Variants in SLC35F3 observed in about 807,000 individuals in gnomAD.
The protein encoded by SLC35F3 is putative thiamine transporter SLC35F3.
SLC35F3 carries 25 observed loss-of-function variants against 49.9 expected under a neutral mutation model. The observed-to-expected ratio is 0.50, with a 90% CI of 0.37 to 0.70. The LOEUF is 0.70. SLC35F3 is among the 30% of genes least tolerant of loss of function. The pLI is 0.00. For missense variants in SLC35F3, 525 were observed against 639.8 expected (o/e 0.82, Z 1.94); for synonymous variants, 275 against 265.4 (o/e 1.04, Z -0.35).
rs971024843 is a variant in SLC35F3 at position 234,046,612 on chromosome 1, T to C, written c.283+140854T>C. Reference sequence around the variant, plus strand: ...GCAAGTTAATATTTATGAATGATTTTACTCATGGTTTATACTTTTTCATAT... The same window carrying C: ...GCAAGTTAATATTTATGAATGATTTCACTCATGGTTTATACTTTTTCATAT... On this transcript the variant is annotated intron_variant, in intron 2 of 7. Transcript: ENST00000366618. The surrounding 1 kb of genome is among the most constrained non-coding windows in gnomAD (Gnocchi z 4.4). Among the ~76,000 whole-genome samples the C allele has an allele frequency of 2.6e-5, 4 of 152,198 alleles. No homozygotes were observed. Among genetic ancestry groups the C allele is most frequent in the African/African-American group, 9.6e-5 (4 of 41,464 alleles).
chr1:233,951,168 C>G (rs1340960320), intron 2 of SLC35F3, among the ~76,000 whole-genome samples: 3 of 151,114 alleles, frequency 2.0e-5, no homozygotes, highest in Admixed American at 2.0e-4. Flanking sequence ...GAGTCATGCA[C>G]CATGTAACAA....
rs1359114359 is a variant in SLC35F3 at position 234,231,428 on chromosome 1, C to T, written c.295C>T (p.Pro99Ser). ...CTTCTCTTCCCCAGGGGAGGAGCGC[C>T]CCCGGGACTCCCCGGGCCCGGCGGA... ...WAASCKREER[P>S]RDSPGPAEAQ... Residue 99 changes from proline (P) to serine (S), a missense_variant, in exon 3 of 8, where the codon CCC becomes TCC. Physicochemically the swap from Pro to Ser is moderately conservative, Grantham distance 74. Around this residue, in one of 4 missense-constraint regions of SLC35F3, gnomAD observed 228 missense variants for 218.9 expected, o/e 1.04. Coordinates refer to ENST00000366618, the MANE Select transcript of SLC35F3 (RefSeq NM_173508.4). The surrounding 1 kb of genome is among the most constrained non-coding windows in gnomAD (Gnocchi z 5.4). The T allele has an allele frequency of 1.3e-6, 2 of 1,572,304 alleles. No individual in the cohort carries two copies. Among genetic ancestry groups the T allele is most frequent in the Non-Finnish European group, 1.7e-6 (2 of 1,161,236 alleles).
Position 234,231,592 on chromosome 1 carries a change from G to T in SLC35F3, c.459G>T (p.Thr153=), listed in dbSNP as rs1667377119. ...LCVCSSWAGS[T]QLAKLTFRKF... ...TGTGCTCCTCGTGGGCGGGCTCCAC[G>T]CAGCTCGCCAAGCTGACCTTCAGGA... is the stretch of plus-strand genomic sequence containing the variant. Residue 153 remains threonine (T), a synonymous_variant, in exon 3 of 8, where the codon ACG becomes ACT. Transcript: ENST00000366618. The surrounding 1 kb of genome is among the most constrained non-coding windows in gnomAD (Gnocchi z 5.4). The T allele has an allele frequency of 6.2e-7, 1 of 1,614,092 alleles. No homozygotes were observed.
At chr1:233,911,795 C>T (rs1661878867) in intron 2 of SLC35F3, among the ~76,000 whole-genome samples, 1 of 152,182 alleles carries the variant, frequency 6.6e-6, no homozygotes, top group Non-Finnish European at 1.5e-5. Context: ...CTGAAGTACG[C>T]ATATGGTGGT....
chr1:234,107,662 C>T (rs926129325), intron 2 of SLC35F3, among the ~76,000 whole-genome samples: 4 of 141,514 alleles, frequency 2.8e-5, no homozygotes, highest in Non-Finnish European at 6.2e-5. Flanking sequence ...TACCCAGCTC[C>T]TGGCATTTCT....
At chr1:234,292,653 C>T (rs1032042001) in intron 3 of SLC35F3, among the ~76,000 whole-genome samples, 7 of 152,116 alleles carry the variant, frequency 4.6e-5, no homozygotes, top group Non-Finnish European at 7.3e-5. Flanking sequence ...GGGAAAGGGC[C>T]CTGGGGCTCA....
At chr1:234,238,203 T>C (rs1456684577) in intron 3 of SLC35F3, among the ~76,000 whole-genome samples, 2 of 152,228 alleles carry the variant, frequency 1.3e-5, no homozygotes, top group Non-Finnish European at 2.9e-5. Context: ...CAATTATGCA[T>C]ACACATCCTC....
intron 2 of SLC35F3, among the ~76,000 whole-genome samples, chr1:234,114,740 A>T (rs772210295): frequency 2.6e-5 from 4 of 152,220 alleles, no homozygotes; most frequent in African/African-American, 7.2e-5. Flanking sequence ...CATTTGGGGA[A>T]GAGTTGGAAA....
intron 3 of SLC35F3, among the ~76,000 whole-genome samples, chr1:234,232,813 C>A (rs139447329): frequency 6.6e-6 from 1 of 152,126 alleles, no homozygotes; most frequent in African/African-American, 2.4e-5. Context: ...GGAGGTCTAC[C>A]CCTGGACCAG....
chr1:234,214,448 C>G lies in SLC35F3; in HGVS notation c.284-16969C>G. ...CCGGGAGAGACGCGCTCCAGCCGGC[C>G]CCAGGATGTAGGCGATCGGCGGCAG... On this transcript the variant is annotated intron_variant, in intron 2 of 7. Coordinates refer to ENST00000366618, the MANE Select transcript of SLC35F3 (RefSeq NM_173508.4). The surrounding 1 kb of genome is among the most constrained non-coding windows in gnomAD (Gnocchi z 8.0). 2.0e-6 allele frequency: 3 copies of G among 1,501,996 alleles called. No homozygotes were observed. Among genetic ancestry groups the G allele is most frequent in the Non-Finnish European group, 2.7e-6 (3 of 1,124,634 alleles). 93.0% of individuals were successfully genotyped at this position (1,501,996 alleles called of 1,614,324 possible). A position where few individuals can be genotyped will look rare whatever the true frequency, so the allele number is the denominator to read the frequency against.
intron 2 of SLC35F3, among the ~76,000 whole-genome samples, chr1:233,973,537 TGAG>T (rs971358964): frequency 4.2e-4 from 64 of 152,240 alleles, no homozygotes; most frequent in African/African-American, 1.5e-3. Context: ...TGGGAGGAAT[TGAG>T]GATGCAGAGT....
chr1:233,946,996 A>T (rs902009683), intron 2 of SLC35F3, among the ~76,000 whole-genome samples: 8 of 152,216 alleles, frequency 5.3e-5, no homozygotes, highest in African/African-American at 1.9e-4. Flanking sequence ...ATTGATAGAT[A>T]AGCAAGTAAA....
At chr1:234,135,715 GC>G (rs1251308927) in intron 2 of SLC35F3, among the ~76,000 whole-genome samples, 2 of 152,256 alleles carry the variant, frequency 1.3e-5, no homozygotes, top group Non-Finnish European at 2.9e-5. Flanking sequence ...CTTTACTGAA[GC>G]TGGTCACATA....
At chr1:234,248,928 G>A (rs687561) in intron 3 of SLC35F3, among the ~76,000 whole-genome samples, 121,707 of 152,194 alleles carry the variant, frequency 0.8, 49,013 homozygotes, top group African/African-American at 0.89. Flanking sequence ...CTTCAGATAC[G>A]TGTGAGGGAT....
Position 233,909,672 on chromosome 1 carries a change from T to TGTATAA in SLC35F3, c.283+3919_283+3924dup, listed in dbSNP as rs1374579179. Among the ~76,000 whole-genome samples the TGTATAA allele has an allele frequency of 2.6e-5, 4 of 152,326 alleles. No individual in the cohort carries two copies. In the East Asian group the frequency reaches 7.7e-4, roughly 29 times the overall value. The stretch of plus-strand genomic sequence containing the variant: ...TCTCAGCACTATTAACCCTTTGTGC[T>TGTATAA]GTATAAGTATTTGTTGTAGGGAGCT... On this transcript the variant is annotated intron_variant, in intron 2 of 7. Transcript: ENST00000366618.
At chr1:234,204,772 C>A (rs771569010) in intron 2 of SLC35F3, among the ~76,000 whole-genome samples, 1 of 152,224 alleles carries the variant, frequency 6.6e-6, no homozygotes, top group Non-Finnish European at 1.5e-5. Flanking sequence ...GTGGCTCAAT[C>A]AGGAGCAGGA....
chr1:234,240,546 A>G (rs377456861), intron 3 of SLC35F3, among the ~76,000 whole-genome samples: 64 of 152,252 alleles, frequency 4.2e-4, no homozygotes, highest in African/African-American at 1.4e-3. Context: ...CAGAGGTTGC[A>G]GTGAGCCAAG....
intron 3 of SLC35F3, among the ~76,000 whole-genome samples, chr1:234,247,614 G>T (rs1471474094): frequency 6.6e-6 from 1 of 152,168 alleles, no homozygotes; most frequent in Non-Finnish European, 1.5e-5. Flanking sequence ...CTGGTCTATT[G>T]TTCAGTAGGT....
chr1:234,173,860 CCTCCG>C (rs1230509383), intron 2 of SLC35F3, among the ~76,000 whole-genome samples: 1 of 152,184 alleles, frequency 6.6e-6, no homozygotes, highest in Non-Finnish European at 1.5e-5. Context: ...ACAAGAGTTT[CCTCCG>C]CTCTCTGACA....
Sources: gnomAD v4.1 joint callset for allele counts (sites outside exome capture counted in the v4.1 genomes callset) on GRCh38, gnomAD v4.1.1 for gene constraint, gnomAD v4.1.1 regional missense constraint, Gnocchi (gnomAD v3.1) non-coding constraint, MANE v1.5 for transcripts, NCBI Gene and HGNC (gene_info 2026-07-23, HGNC 2026-07-21) for gene names.